MCC: variants seen among roughly 807,000 people sequenced by gnomAD.
MCC encodes the protein colorectal mutant cancer protein.
MCC carries 90 observed loss-of-function variants against 116.2 expected under a neutral mutation model. The ratio of observed to expected loss-of-function variants is 0.77; its 90% CI spans 0.65 to 0.92. The LOEUF is 0.92. Among genes scored for constraint, MCC ranks in the 40% least tolerant of loss-of-function variants. The probability of loss-of-function intolerance (pLI) is 0.00; values close to 1 mark genes in which losing one functional copy is unlikely to be tolerated. For synonymous variants in MCC, 578 were observed against 510.5 expected (o/e 1.13, Z -1.78); for missense variants, 1,516 against 1,312.2 (o/e 1.16, Z -2.40).
At chr5:113,332,467 TG>T (rs1767722231) in intron 3 of MCC, among the ~76,000 whole-genome samples, 1 of 150,010 alleles carries the variant, frequency 6.7e-6, no homozygotes, top group Admixed American at 6.6e-5. Context: ...CCCAGCACTT[TG>T]GGAGTCTGAG....
chr5:113,395,378 A>G (rs1269502461), intron 1 of MCC, among the ~76,000 whole-genome samples: 1 of 152,228 alleles, frequency 6.6e-6, no homozygotes, highest in East Asian at 1.9e-4. Context: ...CCAAAAGAAA[A>G]AAAAATTAAG....
chr5:113,086,305 T>TG (rs112668744), intron 8 of MCC, among the ~76,000 whole-genome samples: 139 of 134,258 alleles, frequency 1.0e-3, no homozygotes, highest in African/African-American at 4.1e-3. Context: ...GTGATATGCC[T>TG]GGGGGGTTGA....
intron 1 of MCC, among the ~76,000 whole-genome samples, chr5:113,409,357 T>C (rs1457068140): frequency 6.6e-6 from 1 of 152,084 alleles, no homozygotes; most frequent in Non-Finnish European, 1.5e-5. Context: ...CACTGTTAAA[T>C]ACTTTTTTTT....
At chr5:113,220,164 T>G in intron 3 of MCC, among the ~76,000 whole-genome samples, 1 of 80,284 alleles carries the variant, frequency 1.2e-5, no homozygotes, top group Admixed American at 1.1e-4. Context: ...TTCACGCCAT[T>G]TTCCTGCCGC....
At chr5:113,445,987 TAATC>T (rs1364353515) in intron 1 of MCC, among the ~76,000 whole-genome samples, 15 of 151,982 alleles carry the variant, frequency 9.9e-5, no homozygotes, top group African/African-American at 3.1e-4. Context: ...TTGACAAAAA[TAATC>T]AAGAGGAAAG....
intron 1 of MCC, among the ~76,000 whole-genome samples, chr5:113,467,167 G>T (rs1216104705): frequency 6.6e-6 from 1 of 151,880 alleles, no homozygotes; most frequent in Non-Finnish European, 1.5e-5. Flanking sequence ...TTCTTTTGCT[G>T]TGCAGAAGCT....
Position 113,101,946 on chromosome 5 carries a change from C to A in MCC, c.1192-1G>T. 1 of 1,613,794 alleles carries A rather than the reference C, an allele frequency of 6.2e-7. No homozygotes were observed. The highest frequency in any genetic ancestry group is 8.5e-7 in the Non-Finnish European group (1 of 1,179,986). On this transcript the variant is annotated splice_acceptor_variant, in intron 7 of 18. Coordinates refer to ENST00000408903, the MANE Select transcript of MCC (RefSeq NM_001085377.2). LOFTEE classifies it high-confidence loss of function. Reference sequence around the variant, plus strand: ...GCACCCCCTCAATCTCCTCGACTGTCTGTAAAACACAGCCCCAAAGAAAAG... The same window carrying A: ...GCACCCCCTCAATCTCCTCGACTGTATGTAAAACACAGCCCCAAAGAAAAG...
At chr5:113,408,951 C>T (rs879747411) in intron 1 of MCC, among the ~76,000 whole-genome samples, 10 of 152,130 alleles carry the variant, frequency 6.6e-5, no homozygotes, top group Non-Finnish European at 1.2e-4. Context: ...GAAGTTTTCA[C>T]AGCTTAAACA....
chr5:113,466,883 G>C (rs1395348456), intron 1 of MCC, among the ~76,000 whole-genome samples: 3 of 151,916 alleles, frequency 2.0e-5, no homozygotes, highest in Non-Finnish European at 4.4e-5. Flanking sequence ...ATTCTAACTG[G>C]TGTGAGATGG....
At chr5:113,390,536 T>C (rs904997081) in intron 1 of MCC, among the ~76,000 whole-genome samples, 1 of 152,226 alleles carries the variant, frequency 6.6e-6, no homozygotes, top group East Asian at 1.9e-4. Flanking sequence ...TTTCTATATA[T>C]AAAAGTCTTC....
intron 15 of MCC, 47 bp from the exon 16 acceptor site, chr5:113,049,346 A>G (rs1003945534): frequency 1.4e-6 from 2 of 1,468,598 alleles, no homozygotes; most frequent in African/African-American, 2.8e-5. Flanking sequence ...CCTATCTGAG[A>G]GCAGGCCTGG....
At chr5:113,069,084 A>C (rs1471359491) in intron 12 of MCC, among the ~76,000 whole-genome samples, 1 of 152,264 alleles carries the variant, frequency 6.6e-6, no homozygotes, top group Non-Finnish European at 1.5e-5. Flanking sequence ...AAAATGAAAA[A>C]GTCCATTCCT....
chr5:113,038,013 T>G (rs1012982750), intron 17 of MCC, among the ~76,000 whole-genome samples: 1 of 152,132 alleles, frequency 6.6e-6, no homozygotes, highest in African/African-American at 2.4e-5. Context: ...AGAATCAAAC[T>G]ACAGAATGAC....
At chr5:113,352,792 G>C (rs1768309741) in intron 2 of MCC, among the ~76,000 whole-genome samples, 1 of 152,110 alleles carries the variant, frequency 6.6e-6, no homozygotes, top group African/African-American at 2.4e-5. Flanking sequence ...GTGTTAACAT[G>C]AATGTTCTTT....
At chr5:113,466,905 G>C (rs1771925612) in intron 1 of MCC, among the ~76,000 whole-genome samples, 1 of 152,048 alleles carries the variant, frequency 6.6e-6, no homozygotes, top group South Asian at 2.1e-4. Flanking sequence ...ATCTCACTGT[G>C]GTTTTGATTT....
intron 3 of MCC, among the ~76,000 whole-genome samples, chr5:113,218,568 T>C (rs949055705): frequency 6.6e-6 from 1 of 152,180 alleles, no homozygotes; most frequent in African/African-American, 2.4e-5. Flanking sequence ...GAGGTAGAAA[T>C]GAACTTCATA....
At chr5:113,111,756 G>A (rs552876643) in intron 6 of MCC, among the ~76,000 whole-genome samples, 3 of 152,284 alleles carry the variant, frequency 2.0e-5, no homozygotes, top group East Asian at 3.9e-4. Flanking sequence ...TATCAACGAC[G>A]TTGAGGACTT....
intron 3 of MCC, among the ~76,000 whole-genome samples, chr5:113,317,829 A>G (rs913047943): frequency 3.0e-4 from 46 of 152,364 alleles, no homozygotes; most frequent in African/African-American, 8.2e-4. Flanking sequence ...CTACTTCAGA[A>G]CACCCAGATG....
At chr5:113,103,204 T>C (rs190434368) in intron 7 of MCC, among the ~76,000 whole-genome samples, 63 of 152,318 alleles carry the variant, frequency 4.1e-4, no homozygotes, top group African/African-American at 1.4e-3. Flanking sequence ...ACATCACTCT[T>C]GGATGCTCAT....
Sources: allele counts gnomAD v4.1 joint callset (sites outside exome capture counted in the v4.1 genomes callset), GRCh38; gene constraint gnomAD v4.1.1; transcripts MANE v1.5; gene names NCBI Gene and HGNC (gene_info 2026-07-23, HGNC 2026-07-21).